CLIC6: variants seen among roughly 807,000 people sequenced by gnomAD.
CLIC6 encodes the protein chloride intracellular channel protein 6.
A neutral mutation model predicts 49.2 loss-of-function variants in CLIC6; 39 were observed. The observed-to-expected ratio is 0.79, with a 90% confidence interval of 0.61 to 1.04. CLIC6 has a LOEUF of 1.04. Ranked by LOEUF, CLIC6 falls within the 50% of genes least tolerant of loss-of-function variation. The pLI is 0.00. For missense variants in CLIC6, 988 were observed against 993.1 expected, an observed-to-expected ratio of 0.99 and a Z score of 0.07; for synonymous variants, 446 against 433.4, an observed-to-expected ratio of 1.03 and a Z score of -0.36.
chr21:34,701,943 C>T (rs1308311813), intron 1 of CLIC6, among the ~76,000 whole-genome samples: 1 of 151,950 alleles, frequency 6.6e-6, no homozygotes, highest in Non-Finnish European at 1.5e-5. Flanking sequence ...TCTTCTCCTC[C>T]TCCCGTAGAT....
At chr21:34,677,908 T>C (rs1357245367) in intron 1 of CLIC6, among the ~76,000 whole-genome samples, 5 of 152,220 alleles carry the variant, frequency 3.3e-5, no homozygotes, top group South Asian at 2.1e-4. Context: ...GAATGACTTA[T>C]GTTTTTAAAT....
intron 4 of CLIC6, among the ~76,000 whole-genome samples, chr21:34,709,037 C>T (rs1199085764): frequency 1.3e-5 from 2 of 152,204 alleles, no homozygotes; most frequent in Middle Eastern, 3.2e-3. Context: ...ATAGTCATCA[C>T]CCAGGTGTTC....
intron 5 of CLIC6, among the ~76,000 whole-genome samples, 181 bp downstream of exon 5, chr21:34,709,719 G>A (rs948437953): frequency 9.2e-5 from 14 of 152,204 alleles, no homozygotes; most frequent in Admixed American, 8.5e-4. Flanking sequence ...GATGGGCTTC[G>A]GGTGTTCTCA....
Position 34,718,180 on chromosome 21 carries a change from T to C in CLIC6, c.*1698T>C, listed in dbSNP as rs2056098473. ...ATTAAAATGATTGACATAAACTCTT[T>C]GTGCCTTGAAAATGAAACAAATTAT... On this transcript the variant is annotated 3_prime_UTR_variant, in exon 6 of 6. Coordinates refer to ENST00000349499, the MANE Select transcript of CLIC6 (RefSeq NM_053277.3). 6.5e-6 allele frequency: 1 copy of C among 152,696 alleles called. No individual in the cohort carries two copies. The highest frequency in any genetic ancestry group is 1.9e-4 in the East Asian group (1 of 5,208). The allele number at this position is 152,696 out of a possible 1,614,324, so 9.5% of individuals were successfully genotyped here.
chr21:34,708,074 G>A lies in CLIC6; in HGVS notation c.1610+5G>A, dbSNP rs570655683. 11 of 1,614,054 alleles carry A rather than the reference G, an allele frequency of 6.8e-6. No homozygotes were observed. The African/African-American group carries it at 1.5e-4, about 22-fold the overall frequency. On this transcript the variant is annotated splice_donor_5th_base_variant and intron_variant, in intron 3 of 5. Coordinates refer to ENST00000349499, the MANE Select transcript of CLIC6 (RefSeq NM_053277.3). The stretch of plus-strand genomic sequence containing the variant: ...GGAGAAATTAGCTCCCCCGAGGTAG[G>A]CCTCAGAAAACCAGTGTTCATAACT...
At chr21:34,688,414 G>C (rs1989924709) in intron 1 of CLIC6, among the ~76,000 whole-genome samples, 1 of 152,216 alleles carries the variant, frequency 6.6e-6, no homozygotes, top group Non-Finnish European at 1.5e-5. Flanking sequence ...GTTCACCCGG[G>C]TGGTCTCCTC....
intron 1 of CLIC6, among the ~76,000 whole-genome samples, chr21:34,687,376 A>G (rs955662675): frequency 6.6e-5 from 10 of 152,238 alleles, no homozygotes; most frequent in South Asian, 4.1e-4. Context: ...CTTTGTTGCA[A>G]TAATTCCTTG....
Position 34,669,718 on chromosome 21 carries a change from G to A in CLIC6, c.330G>A (p.Gly110=). 5 of 1,383,006 alleles carry A rather than the reference G, an allele frequency of 3.6e-6. No homozygotes were observed. The highest frequency in any genetic ancestry group is 1.5e-5 in the African/African-American group (1 of 65,272). 85.7% of individuals were successfully genotyped at this position (1,383,006 alleles called of 1,614,324 possible). A position where few individuals can be genotyped will look rare whatever the true frequency, so the allele number is the denominator to read the frequency against. ...EETSGAQQVE[G]ASPGRGAQGE... The stretch of plus-strand genomic sequence containing the variant: ...CAAGCGGCGCGCAGCAGGTGGAGGG[G>A]GCGAGCCCGGGACGCGGCGCGCAGG... The change falls in exon 1 of 6, where the codon GGG becomes GGA. Residue 110 remains glycine, a synonymous_variant. Transcript: ENST00000349499.
intron 5 of CLIC6, among the ~76,000 whole-genome samples, chr21:34,712,059 T>C (rs1568972377): frequency 6.6e-6 from 1 of 152,152 alleles, no homozygotes; most frequent in Non-Finnish European, 1.5e-5. Context: ...TTAGCTCCCA[T>C]GAGAAAAGAC....
intron 5 of CLIC6, 100 bp from the exon 6 acceptor site, chr21:34,716,221 G>T: frequency 9.9e-7 from 1 of 1,012,404 alleles, no homozygotes; most frequent in South Asian, 1.6e-5. Flanking sequence ...TGGGAAACTG[G>T]GAAAGAATGT....
rs759295094 is a variant in CLIC6 at position 34,717,643 on chromosome 21, C to G, written c.*1161C>G. Reference sequence around the variant, plus strand: ...GCTGAGTGCTGGCCTTAACCCTAGGCGTGGAAGAGAAAATGTGAGGTTGTT... The same window carrying G: ...GCTGAGTGCTGGCCTTAACCCTAGGGGTGGAAGAGAAAATGTGAGGTTGTT... On this transcript the variant is annotated 3_prime_UTR_variant, in exon 6 of 6. Coordinates refer to ENST00000349499, the MANE Select transcript of CLIC6 (RefSeq NM_053277.3). The G allele has an allele frequency of 6.6e-6, 1 of 152,122 alleles. No individual in the cohort carries two copies. The highest frequency in any genetic ancestry group is 2.4e-5 in the African/African-American group (1 of 41,422). 9.4% of individuals were successfully genotyped at this position (152,122 alleles called of 1,614,324 possible).
chr21:34,699,183 A>G (rs1389723522), intron 1 of CLIC6, among the ~76,000 whole-genome samples: 5 of 152,250 alleles, frequency 3.3e-5, no homozygotes, highest in South Asian at 4.1e-4. Flanking sequence ...AACAACATCC[A>G]CAAATGATTT....
intron 1 of CLIC6, among the ~76,000 whole-genome samples, chr21:34,675,515 TA>T (rs1475185595): frequency 2.1e-5 from 3 of 146,010 alleles, no homozygotes; most frequent in Non-Finnish European, 4.7e-5. Context: ...AATTCTCCCC[TA>T]AAAACAAATT....
chr21:34,716,862 TCA>T lies in CLIC6; in HGVS notation c.*417_*418del, dbSNP rs10541127. ...CTCTCTCTCTCTCTCTCTCTCTCTA[TCA>T]CACACACACACACACACACACACAC... is the stretch of plus-strand genomic sequence containing the variant. On this transcript the variant is annotated 3_prime_UTR_variant, in exon 6 of 6. Coordinates refer to ENST00000349499, the MANE Select transcript of CLIC6 (RefSeq NM_053277.3). 0.018 allele frequency: 2,308 copies of T among 131,572 alleles called. 42 individuals carry two copies. Among genetic ancestry groups the T allele is most frequent in the African/African-American group, 0.045 (1,420 of 31,246 alleles). The allele number at this position is 131,572 out of a possible 1,614,324, so 8.2% of individuals were successfully genotyped here.
chr21:34,695,014 A>G (rs1324694009), intron 1 of CLIC6, among the ~76,000 whole-genome samples: 2 of 152,252 alleles, frequency 1.3e-5, no homozygotes, highest in Admixed American at 6.5e-5. Context: ...TATCATTGCC[A>G]TAACAAATTA....
chr21:34,675,795 C>A (rs1989657872), intron 1 of CLIC6, among the ~76,000 whole-genome samples: 1 of 152,152 alleles, frequency 6.6e-6, no homozygotes, highest in South Asian at 2.1e-4. Flanking sequence ...CTTTTTGGTG[C>A]AGATAAATAG....
In CLIC6 at chr21:34,716,761, G is replaced by A. The variant is rs1198383891; in HGVS notation, c.*279G>A. 1.5e-5 allele frequency: 3 copies of A among 203,824 alleles called. No individual in the cohort carries two copies. The highest frequency in any genetic ancestry group is 2.9e-5 in the Non-Finnish European group (3 of 102,582). The allele number at this position is 203,824 out of a possible 1,614,324, so 12.6% of individuals were successfully genotyped here. A position where few individuals can be genotyped will look rare whatever the true frequency, so the allele number is the denominator to read the frequency against. On this transcript the variant is annotated 3_prime_UTR_variant, in exon 6 of 6. Coordinates refer to ENST00000349499, the MANE Select transcript of CLIC6 (RefSeq NM_053277.3). ...TGTAAAGAAGGACATTTTAACAATC[G>A]CCTTCAATTTTACTCCACTTAATTA...
intron 1 of CLIC6, among the ~76,000 whole-genome samples, chr21:34,682,683 G>A (rs1016448157): frequency 3.3e-5 from 5 of 151,978 alleles, no homozygotes; most frequent in Non-Finnish European, 7.4e-5. Context: ...GATGATGATG[G>A]CACTCTTAGA....
chr21:34,697,797 T>A (rs1228258627), intron 1 of CLIC6, among the ~76,000 whole-genome samples: 1 of 152,154 alleles, frequency 6.6e-6, no homozygotes, highest in Non-Finnish European at 1.5e-5. Flanking sequence ...GGGAGACATT[T>A]GGGGATAGTT....
Sources: allele counts gnomAD v4.1 joint callset (sites outside exome capture counted in the v4.1 genomes callset), GRCh38; gene constraint gnomAD v4.1.1; transcripts MANE v1.5; gene names NCBI Gene and HGNC (gene_info 2026-07-23, HGNC 2026-07-21).